MMP16: variants seen among roughly 807,000 people sequenced by gnomAD.
MMP16 encodes matrix metalloproteinase-16.
Under a neutral mutation model 67.8 loss-of-function variants are expected in MMP16, and 12 were observed. That is an observed-to-expected ratio of 0.18 (90% CI 0.11 to 0.29). MMP16 has a LOEUF of 0.29. Among genes scored for constraint, MMP16 ranks in the 10% least tolerant of loss-of-function variants. The pLI is 1.00. For synonymous variants in MMP16, 249 were observed against 255.9 expected (o/e 0.97, Z 0.26); for missense variants, 475 against 765.7 (o/e 0.62, Z 4.48).
intron 7 of MMP16, among the ~76,000 whole-genome samples, chr8:88,061,127 T>TACACACACAC (rs149547108): frequency 3.0e-4 from 43 of 143,064 alleles, no homozygotes; most frequent in African/African-American, 6.8e-4. Flanking sequence ...CTGAATATTA[T>TACACACACAC]ACACACACAC....
In MMP16 at chr8:88,092,461, C is replaced by A. The variant is rs184005390; in HGVS notation, c.1084-17718G>T. 8.6e-5 allele frequency among the ~76,000 whole-genome samples: 13 copies of A among 151,890 alleles called. No individual in the cohort carries two copies. The East Asian group carries it at 2.5e-3, about 30-fold the overall frequency. ...ATCACATTACCCTGTTTAATTTTCACCTTTGAATTTGTTAATGTCTCAAGT... is the reference window on the plus strand; with the variant it reads ...ATCACATTACCCTGTTTAATTTTCAACTTTGAATTTGTTAATGTCTCAAGT... On this transcript the variant is annotated intron_variant, in intron 6 of 9. Coordinates refer to ENST00000286614, the MANE Select transcript of MMP16 (RefSeq NM_005941.5).
At chr8:88,203,877 C>T (rs1300936541) in intron 1 of MMP16, among the ~76,000 whole-genome samples, 1 of 152,116 alleles carries the variant, frequency 6.6e-6, no homozygotes, top group Non-Finnish European at 1.5e-5. Flanking sequence ...GTGTGCTATT[C>T]AATAGCTATT....
chr8:88,189,819 T>C lies in MMP16; in HGVS notation c.282-3221A>G, dbSNP rs1482084104. Among the ~76,000 whole-genome samples, 35 of 152,182 alleles carry C rather than the reference T, an allele frequency of 2.3e-4. 1 individual carries two copies. Among genetic ancestry groups the C allele is most frequent in the Admixed American group, 2.3e-3 (35 of 15,270 alleles). On this transcript the variant is annotated intron_variant, in intron 2 of 9. Coordinates refer to ENST00000286614, the MANE Select transcript of MMP16 (RefSeq NM_005941.5). ...ACATAGATACAGTTTACCACCCCAA[T>C]GCAGCATGTCTTATAATGTGTATCC...
intron 1 of MMP16, among the ~76,000 whole-genome samples, chr8:88,243,687 C>T (rs968062743): frequency 5.3e-5 from 8 of 152,068 alleles, no homozygotes; most frequent in African/African-American, 1.9e-4. Context: ...TTACGTTAAT[C>T]GTTGGAAGAA....
At chr8:88,168,665 G>A (rs1475418511) in intron 3 of MMP16, among the ~76,000 whole-genome samples, 2 of 151,930 alleles carry the variant, frequency 1.3e-5, no homozygotes, top group African/African-American at 4.8e-5. Context: ...GATTCATTTG[G>A]CACTAAATCA....
chr8:88,236,503 T>C (rs1229382690), intron 1 of MMP16, among the ~76,000 whole-genome samples: 1 of 152,090 alleles, frequency 6.6e-6, no homozygotes, highest in Non-Finnish European at 1.5e-5. Context: ...ATTCCTGTAA[T>C]CCCAGCACTT....
chr8:88,119,821 T>C (rs756549299), intron 4 of MMP16, among the ~76,000 whole-genome samples: 2 of 152,088 alleles, frequency 1.3e-5, no homozygotes, highest in African/African-American at 4.8e-5. Context: ...AAAAGTTTAA[T>C]GTGATTGAAC....
intron 4 of MMP16, among the ~76,000 whole-genome samples, chr8:88,152,118 A>G (rs1331729390): frequency 3.1e-5 from 1 of 32,658 alleles, no homozygotes; most frequent in African/African-American, 1.5e-4. Flanking sequence ...ATCTAGAAGA[A>G]ATGGATACAT....
intron 1 of MMP16, among the ~76,000 whole-genome samples, chr8:88,234,090 T>C (rs10094254): frequency 0.72 from 109,316 of 151,578 alleles, 41,835 homozygotes; most frequent in Non-Finnish European, 0.88. Context: ...TCATTAAGTG[T>C]ATGTGTTCAA....
chr8:88,234,945 C>T (rs79028136), intron 1 of MMP16, among the ~76,000 whole-genome samples: 8 of 152,234 alleles, frequency 5.3e-5, no homozygotes, highest in East Asian at 1.9e-4. Context: ...TTAACCCCAG[C>T]GAGGGCTTCA....
rs968440051 is a variant in MMP16, at chr8:88,174,050, T to TA, written c.405-6078dup. The stretch of plus-strand genomic sequence containing the variant: ...TGAAAAATGTTTCTGTGTAGGCATT[T>TA]AAAAAAAATTACTTAGTAACCTCTT... On this transcript the variant is annotated intron_variant, in intron 3 of 9. Coordinates refer to ENST00000286614, the MANE Select transcript of MMP16 (RefSeq NM_005941.5). Among the ~76,000 whole-genome samples, 108 of 152,138 alleles carry TA rather than the reference T, an allele frequency of 7.1e-4. 1 individual carries two copies. Among genetic ancestry groups the TA allele is most frequent in the African/African-American group, 1.8e-3 (73 of 41,544 alleles).
chr8:88,162,094 T>G (rs908578085), intron 4 of MMP16, among the ~76,000 whole-genome samples: 1 of 152,062 alleles, frequency 6.6e-6, no homozygotes, highest in Non-Finnish European at 1.5e-5. Flanking sequence ...CATTTATATG[T>G]TTTTGTAATA....
chr8:88,149,311 C>A lies in MMP16; in HGVS notation c.709+18358G>T, dbSNP rs368519329. Among the ~76,000 whole-genome samples, 26 of 152,322 alleles carry A rather than the reference C, an allele frequency of 1.7e-4. No individual in the cohort carries two copies. The East Asian group carries it at 3.9e-3, about 23-fold the overall frequency. ...GGGCGCCCGCCATTGCCCAGGCTTG[C>A]TTAGGTAAACAAAGCAGCCGGGAAC... On this transcript the variant is annotated intron_variant, in intron 4 of 9. Transcript: ENST00000286614.
intron 3 of MMP16, among the ~76,000 whole-genome samples, chr8:88,184,348 C>T (rs753068308): frequency 2.6e-5 from 4 of 151,808 alleles, no homozygotes; most frequent in Non-Finnish European, 4.4e-5. Context: ...TTGCCCTAAT[C>T]GGCAGTATAT....
At chr8:88,234,207 A>C (rs113743252) in intron 1 of MMP16, among the ~76,000 whole-genome samples, 66 of 152,350 alleles carry the variant, frequency 4.3e-4, no homozygotes, top group African/African-American at 1.5e-3. Context: ...ATAGCAGATA[A>C]GTAACTTAGA....
Position 88,186,542 on chromosome 8 carries a change from A to T in MMP16, c.338T>A (p.Phe113Tyr). The change falls in exon 3 of 10, where the codon TTT (phenylalanine) becomes TAT (tyrosine). Residue 113 changes from phenylalanine (F) to tyrosine (Y), a missense_variant. Around this residue, in one of 5 missense-constraint regions of MMP16, gnomAD observed 170 missense variants for 239.6 expected, o/e 0.71. Coordinates refer to ENST00000286614, the MANE Select transcript of MMP16 (RefSeq NM_005941.5). Reference sequence around the variant, plus strand: ...TGCATATCGCTTTCGACGAATATGAAATTTGGAGCTACCTCTTGTCTGGTC... The same window carrying T: ...TGCATATCGCTTTCGACGAATATGATATTTGGAGCTACCTCTTGTCTGGTC... ...VPDQTRGSSK[F>Y]HIRRKRYALT... 1 of 1,609,968 alleles carries T rather than the reference A, an allele frequency of 6.2e-7. No homozygotes were observed.
At chr8:88,248,406 T>C (rs1586225327) in intron 1 of MMP16, among the ~76,000 whole-genome samples, 2 of 152,048 alleles carry the variant, frequency 1.3e-5, no homozygotes, top group South Asian at 4.2e-4. Context: ...GAGCCAACAA[T>C]GTAGATTGTG....
intron 1 of MMP16, among the ~76,000 whole-genome samples, chr8:88,283,052 TA>T (rs1810766595): frequency 6.6e-6 from 1 of 152,170 alleles, no homozygotes; most frequent in East Asian, 1.9e-4. Context: ...TATCTTTCAT[TA>T]CTAAACATCT....
chr8:88,226,263 C>A (rs1043540895), intron 1 of MMP16, among the ~76,000 whole-genome samples: 2 of 151,960 alleles, frequency 1.3e-5, no homozygotes, highest in Non-Finnish European at 2.9e-5. Flanking sequence ...CTCCTAGATT[C>A]TGACTGTAAG....
Sources: gnomAD v4.1 joint callset for allele counts (sites outside exome capture counted in the v4.1 genomes callset) on GRCh38, gnomAD v4.1.1 for gene constraint, gnomAD v4.1.1 regional missense constraint, MANE v1.5 for transcripts, NCBI Gene and HGNC (gene_info 2026-07-23, HGNC 2026-07-21) for gene names.